ATP13A4: variants seen among roughly 807,000 people sequenced by gnomAD.
ATP13A4 encodes ATPase 13A4, also known as probable cation-transporting ATPase 13A4.
Under a neutral mutation model 142.5 loss-of-function variants are expected in ATP13A4, and 114 were observed. The observed-to-expected ratio is 0.80, with a 90% confidence interval of 0.69 to 0.93. The LOEUF is 0.93. ATP13A4 is among the 40% of genes least tolerant of loss of function. The probability of loss-of-function intolerance (pLI) is 0.00; values close to 1 mark genes in which losing one functional copy is unlikely to be tolerated. For synonymous variants in ATP13A4, 488 were observed against 514.8 expected, an observed-to-expected ratio of 0.95 and a Z score of 0.70; for missense variants, 1,392 against 1,454.0, an observed-to-expected ratio of 0.96 and a Z score of 0.69.
chr3:193,467,608 C>T (rs1165045257), intron 9 of ATP13A4, 122 bp from the exon 10 acceptor site: 2 of 960,580 alleles, frequency 2.1e-6, no homozygotes, highest in Non-Finnish European at 3.3e-6. Flanking sequence ...GCAGAGACAA[C>T]CCTAGGTATT....
At position 193,402,988 on chromosome 3, in the gene ATP13A4, A is replaced by G. The variant is rs1022776740; in HGVS notation, c.3379-124T>C. ...TAGATCCAGCTTGACAAAGAGCTTG[A>G]CCACTGGACCAATCTAAGGTGGTTT... On this transcript the variant is annotated intron_variant, in intron 29 of 29. Transcript: ENST00000342695. The G allele has an allele frequency of 5.4e-5, 46 of 855,510 alleles. No homozygotes were observed. In the East Asian group the frequency reaches 1.2e-3, roughly 23 times the overall value. 53.0% of individuals were successfully genotyped at this position (855,510 alleles called of 1,614,324 possible).
At chr3:193,540,544 A>C (rs969465879) in intron 1 of ATP13A4, among the ~76,000 whole-genome samples, 13 of 151,540 alleles carry the variant, frequency 8.6e-5, no homozygotes, top group African/African-American at 2.7e-4. Context: ...AAAAAAAAAA[A>C]AAAAAAAAAA....
At chr3:193,468,362 T>C (rs947668482) in intron 9 of ATP13A4, among the ~76,000 whole-genome samples, 2 of 152,108 alleles carry the variant, frequency 1.3e-5, no homozygotes, top group Non-Finnish European at 2.9e-5. Flanking sequence ...GGGTATCCAA[T>C]TGGGAAATAA....
intron 29 of ATP13A4, 120 bp from the exon 30 acceptor site, chr3:193,402,984 C>A: frequency 1.1e-6 from 1 of 914,292 alleles, no homozygotes; most frequent in Non-Finnish European, 1.7e-6. Context: ...TGACAAAGAG[C>A]TTGACCACTG....
chr3:193,435,462 C>T (rs1716211832), intron 24 of ATP13A4, among the ~76,000 whole-genome samples, 186 bp downstream of exon 24: 1 of 152,100 alleles, frequency 6.6e-6, no homozygotes, highest in Non-Finnish European at 1.5e-5. Context: ...TTGACATCAG[C>T]AACTTTTCCT....
chr3:193,446,971 C>A (rs1716992007), intron 18 of ATP13A4, among the ~76,000 whole-genome samples: 1 of 151,982 alleles, frequency 6.6e-6, no homozygotes, highest in African/African-American at 2.4e-5. Flanking sequence ...TGTGTCAGAG[C>A]AAAGAAAGAT....
rs184119076 is a variant in ATP13A4 at position 193,565,192 on chromosome 3, T to C, written n.291+16515A>G. 3.3e-5 allele frequency among the ~76,000 whole-genome samples: 5 copies of C among 152,314 alleles called. No individual in the cohort carries two copies. The East Asian group carries it at 7.7e-4, about 23-fold the overall frequency. ...CAGTCCATGGAAAATTTGTCTTCCATGAAACTGGTTCCTTGTACCAAATGG... is the reference window on the plus strand; with the variant it reads ...CAGTCCATGGAAAATTTGTCTTCCACGAAACTGGTTCCTTGTACCAAATGG... On this transcript the variant is annotated intron_variant and non_coding_transcript_variant, in intron 2 of 3. Coordinates refer to the ATP13A4 transcript ENST00000489140.
At chr3:193,478,788 T>C (rs74574027) in intron 8 of ATP13A4, among the ~76,000 whole-genome samples, 68,459 of 151,750 alleles carry the variant, frequency 0.45, 15,342 homozygotes, top group Admixed American at 0.49. Flanking sequence ...ATCACCCTAA[T>C]ACCAAAACCA....
chr3:193,407,255 C>T, intron 29 of ATP13A4, 58 bp downstream of exon 29: 1 of 1,474,592 alleles, frequency 6.8e-7, no homozygotes, highest in Non-Finnish European at 9.4e-7. Flanking sequence ...CAAAGAAGTC[C>T]CCCTACACAC....
Position 193,438,467 on chromosome 3 carries a change from C to T in ATP13A4, c.2672+8G>A. 2 of 1,590,944 alleles carry T rather than the reference C, an allele frequency of 1.3e-6. No individual in the cohort carries two copies. The highest frequency in any genetic ancestry group is 1.7e-6 in the Non-Finnish European group (2 of 1,158,936). On this transcript the variant is annotated splice_region_variant and intron_variant, in intron 23 of 29. Coordinates refer to ENST00000342695, the MANE Select transcript of ATP13A4 (RefSeq NM_032279.4). ...GAGAAAACAATGTTTGAGGAAGTGC[C>T]TACTTACTTGATAAGGTGAGGTACG... is the stretch of plus-strand genomic sequence containing the variant.
chr3:193,486,396 A>T (rs1271418207), intron 7 of ATP13A4, among the ~76,000 whole-genome samples: 2 of 152,196 alleles, frequency 1.3e-5, no homozygotes, highest in African/African-American at 2.4e-5. Flanking sequence ...AATTATGCTA[A>T]CTTGAACCGT....
intron 1 of ATP13A4, among the ~76,000 whole-genome samples, chr3:193,536,943 G>C (rs886145324): frequency 6.6e-6 from 1 of 151,942 alleles, no homozygotes; most frequent in East Asian, 1.9e-4. Context: ...AAAGGCTTAT[G>C]AGAAAAATGA....
chr3:193,529,731 G>C (rs1485784274), intron 1 of ATP13A4, among the ~76,000 whole-genome samples: 1 of 152,154 alleles, frequency 6.6e-6, no homozygotes, highest in Non-Finnish European at 1.5e-5. Context: ...ACAGAGGAAT[G>C]ATAACAGTAG....
chr3:193,509,764 A>G (rs1304032256), intron 2 of ATP13A4, among the ~76,000 whole-genome samples: 2 of 152,220 alleles, frequency 1.3e-5, no homozygotes, highest in Non-Finnish European at 2.9e-5. Context: ...AGAAGGTGAT[A>G]TGTGGCTGAG....
chr3:193,573,427 A>C (rs1330674554), intron 2 of ATP13A4, among the ~76,000 whole-genome samples: 1 of 150,570 alleles, frequency 6.6e-6, no homozygotes, highest in Non-Finnish European at 1.5e-5. Context: ...TCTGGTGACA[A>C]ATGACTCTCT....
chr3:193,470,844 G>A lies in ATP13A4; in HGVS notation c.943+15C>T. ...CAGCCCACAGAGGTTGTCAGCTGTG[G>A]AGATGGAACTGTACCTGTCAGCATG... is the stretch of plus-strand genomic sequence containing the variant. On this transcript the variant is annotated intron_variant, in intron 9 of 29. Coordinates refer to ENST00000342695, the MANE Select transcript of ATP13A4 (RefSeq NM_032279.4). The A allele has an allele frequency of 6.2e-7, 1 of 1,613,892 alleles. No homozygotes were observed.
At chr3:193,566,060 C>T (rs1001930895) in intron 2 of ATP13A4, among the ~76,000 whole-genome samples, 4 of 152,100 alleles carry the variant, frequency 2.6e-5, no homozygotes, top group Non-Finnish European at 5.9e-5. Context: ...ATATAGAATG[C>T]AGTGCCCAAG....
At chr3:193,433,765 A>G in intron 25 of ATP13A4, 80 bp downstream of exon 25, 1 of 1,003,300 alleles carries the variant, frequency 1.0e-6, no homozygotes, top group South Asian at 1.3e-5. Context: ...GCTGTTCCTC[A>G]TGGTAGACAA....
chr3:193,485,264 T>C (rs1184538276), intron 7 of ATP13A4, among the ~76,000 whole-genome samples: 1 of 151,590 alleles, frequency 6.6e-6, no homozygotes, highest in Non-Finnish European at 1.5e-5. Context: ...GCAGGAGAAA[T>C]AAGTCAAAGC....
Sources: gnomAD v4.1 joint callset for allele counts (sites outside exome capture counted in the v4.1 genomes callset) on GRCh38, gnomAD v4.1.1 for gene constraint, MANE v1.5 for transcripts, NCBI Gene and HGNC (gene_info 2026-07-23, HGNC 2026-07-21) for gene names.